The following KARS1 variants were observed in gnomAD, a reference collection of about 807,000 sequenced individuals.
The protein encoded by KARS1 is lysyl-tRNA synthetase 1.
Under a neutral mutation model 63.9 loss-of-function variants are expected in KARS1, and 50 were observed. The ratio of observed to expected loss-of-function variants is 0.78; its 90% confidence interval spans 0.62 to 0.99. The LOEUF (loss-of-function observed/expected upper bound fraction) is 0.99, where lower values mean the gene tolerates loss of function less well. Among genes scored for constraint, KARS1 ranks in the 50% least tolerant of loss-of-function variants. The pLI is 0.00. For synonymous variants in KARS1, 320 were observed against 264.6 expected, an observed-to-expected ratio of 1.21 and a Z score of -2.03; for missense variants, 816 against 754.5, an observed-to-expected ratio of 1.08 and a Z score of -0.95.
At chr16:75,628,897 G>C in intron 12 of KARS1, 185 bp from the exon 13 acceptor site, 1 of 674,862 alleles carries the variant, frequency 1.5e-6, no homozygotes, top group Non-Finnish European at 2.6e-6. Context: ...AAGACCTGGA[G>C]GTCAGGACTG....
At chr16:75,630,320 CCAGCAGAA>C (rs2082097764) in intron 11 of KARS1, 95 bp downstream of exon 11, 1 of 763,792 alleles carries the variant, frequency 1.3e-6, no homozygotes, top group Non-Finnish European at 2.2e-6. Context: ...TCAACACCAC[CCAGCAGAA>C]AGACCACCAG....
In KARS1 at chr16:75,627,871, T is replaced by C. The variant is rs748316661; in HGVS notation, c.*24A>G. The C allele has an allele frequency of 2.3e-6, 3 of 1,324,716 alleles. No individual in the cohort carries two copies. The South Asian group carries it at 3.5e-5, about 16-fold the overall frequency. The allele number at this position is 1,324,716 out of a possible 1,614,324, so 82.1% of individuals were successfully genotyped here. ...CGCAGAAATGCAAAGACGCCTGAGT[T>C]ATACAACTTGCAATTATTATTTTCT... On this transcript the variant is annotated 3_prime_UTR_variant, in exon 14 of 14. Transcript: ENST00000302445.
intron 11 of KARS1, 112 bp from the exon 12 acceptor site, chr16:75,629,653 G>A: frequency 1.7e-6 from 2 of 1,157,244 alleles, no homozygotes; most frequent in Non-Finnish European, 2.5e-6. Flanking sequence ...AGGCTGGAGT[G>A]CAGTGGTGTG....
intron 6 of KARS1, 122 bp from the exon 7 acceptor site, chr16:75,634,414 C>G (rs772521991): frequency 2.0e-6 from 2 of 992,636 alleles, no homozygotes; most frequent in Non-Finnish European, 3.1e-6. Context: ...ATAAGTTCAA[C>G]AGTAATGTGC....
intron 1 of KARS1, among the ~76,000 whole-genome samples, chr16:75,643,553 G>T (rs1214395124): frequency 1.3e-5 from 2 of 151,874 alleles, no homozygotes; most frequent in African/African-American, 4.8e-5. Flanking sequence ...AATTTTTTTG[G>T]TATTTTTAGT....
Position 75,631,412 on chromosome 16 carries a change from T to G in KARS1, c.1252+4A>C, listed in dbSNP as rs1239914593. ...CAACGGAGGAGTGAGTGTTGTCACT[T>G]TACCTTCAGTTTCAAAGAGGTTCGT... On this transcript the variant is annotated splice_donor_region_variant and intron_variant, in intron 9 of 13. Transcript: ENST00000302445. The G allele has an allele frequency of 2.5e-6, 4 of 1,613,926 alleles. No individual in the cohort carries two copies. The highest frequency in any genetic ancestry group is 2.2e-5 in the South Asian group (2 of 91,092).
chr16:75,645,119 G>A (rs894580100), intron 1 of KARS1, among the ~76,000 whole-genome samples: 2 of 152,212 alleles, frequency 1.3e-5, no homozygotes, highest in East Asian at 3.8e-4. Flanking sequence ...TAAACTTGGA[G>A]TCAATACCTG....
intron 11 of KARS1, among the ~76,000 whole-genome samples, chr16:75,629,807 A>G (rs968272845): frequency 6.6e-6 from 1 of 152,236 alleles, no homozygotes; most frequent in African/African-American, 2.4e-5. Flanking sequence ...CATATTGGCC[A>G]GGTTGGTCTA....
intron 2 of KARS1, among the ~76,000 whole-genome samples, chr16:75,641,211 G>C (rs1053755244): frequency 3.6e-5 from 4 of 112,320 alleles, no homozygotes; most frequent in Non-Finnish European, 6.5e-5. Context: ...AGGATAAAGT[G>C]GGGGCATGGA....
At chr16:75,639,617 T>C (rs2082201120) in intron 3 of KARS1, among the ~76,000 whole-genome samples, 1 of 151,306 alleles carries the variant, frequency 6.6e-6, no homozygotes, top group African/African-American at 2.4e-5. Flanking sequence ...CACTGCACTT[T>C]AAAGAAGAAA....
In KARS1 at chr16:75,627,821, A is replaced by G. The variant is rs2151799646; in HGVS notation, c.*74T>C. The stretch of plus-strand genomic sequence containing the variant: ...TGTCAAATGGAAAGCAGCACACAAG[A>G]ATTCCCTTGCAGACCTTGATCTTTC... On this transcript the variant is annotated 3_prime_UTR_variant, in exon 14 of 14. Transcript: ENST00000302445. The G allele has an allele frequency of 1.2e-6, 1 of 854,836 alleles. No homozygotes were observed. The highest frequency in any genetic ancestry group is 2.4e-5 in the East Asian group (1 of 41,528). 53.0% of individuals were successfully genotyped at this position (854,836 alleles called of 1,614,324 possible).
Position 75,634,285 on chromosome 16 carries a change from G to A in KARS1, c.803C>T (p.Thr268Ile), listed in dbSNP as rs922605828. The change falls in exon 7 of 14, where the codon ACT (threonine) becomes ATT (isoleucine). Residue 268 changes from threonine (T) to isoleucine (I), a missense_variant. Coordinates refer to ENST00000302445, the MANE Select transcript of KARS1 (RefSeq NM_005548.3). ...CCCTGGGATGATGTTCATCATGGGA[G>A]TTTCAATCTAAAAAAGGCAGGGAGA... ...LDELGFLEIE[T>I]PMMNIIPGGA... The A allele has an allele frequency of 6.2e-7, 1 of 1,613,888 alleles. No homozygotes were observed. Among genetic ancestry groups the A allele is most frequent in the Non-Finnish European group, 8.5e-7 (1 of 1,179,916 alleles).
At chr16:75,628,797 G>A (rs367743453) in intron 12 of KARS1, 85 bp from the exon 13 acceptor site, 4 of 1,409,818 alleles carry the variant, frequency 2.8e-6, no homozygotes, top group South Asian at 2.3e-5. Context: ...CTCCGAGGTG[G>A]GAGTACCATC....
At chr16:75,629,255 G>A (rs1002532926) in intron 12 of KARS1, among the ~76,000 whole-genome samples, 160 bp downstream of exon 12, 1 of 151,816 alleles carries the variant, frequency 6.6e-6, no homozygotes, top group South Asian at 2.1e-4. Context: ...CTCAATACCA[G>A]ATGAAGTCAC....
At position 75,629,484 on chromosome 16, in the gene KARS1, C is replaced by G. The variant is rs527539107; in HGVS notation, c.1482G>C (p.Glu494Asp). ...TCAGCTCAGTATACGCATTGCATAT[C>G]TCTTTCTTCATGACAAACAGCTCAA... ...ERFELFVMKKEICNAYTELND... is the reference protein window; with the variant it reads ...ERFELFVMKKDICNAYTELND... The change falls in exon 12 of 14, where the codon GAG becomes GAC. Residue 494 changes from glutamate (E) to aspartate (D), a missense_variant. Coordinates refer to ENST00000302445, the MANE Select transcript of KARS1 (RefSeq NM_005548.3). 1 of 1,614,230 alleles carries G rather than the reference C, an allele frequency of 6.2e-7. No individual in the cohort carries two copies. Among genetic ancestry groups the G allele is most frequent in the South Asian group, 1.1e-5 (1 of 91,082 alleles).
chr16:75,631,631 C>G, intron 8 of KARS1, 42 bp from the exon 9 acceptor site: 1 of 1,613,730 alleles, frequency 6.2e-7, no homozygotes, highest in African/African-American at 1.3e-5. Flanking sequence ...GAAATCCAGG[C>G]AGCCCTCCTC....
intron 11 of KARS1, among the ~76,000 whole-genome samples, chr16:75,630,040 C>T (rs981846767): frequency 2.0e-5 from 3 of 152,132 alleles, no homozygotes; most frequent in East Asian, 1.9e-4. Flanking sequence ...GTCTCCTTCA[C>T]CTGGACTCTG....
chr16:75,636,710 T>C (rs548647117), intron 3 of KARS1, among the ~76,000 whole-genome samples, 163 bp from the exon 4 acceptor site: 50 of 152,012 alleles, frequency 3.3e-4, no homozygotes, highest in Admixed American at 2.7e-3. Flanking sequence ...CTCAGCTCAA[T>C]GCAACCTCCG....
intron 3 of KARS1, among the ~76,000 whole-genome samples, chr16:75,638,709 G>A (rs771862035): frequency 6.6e-6 from 1 of 151,934 alleles, no homozygotes; most frequent in Non-Finnish European, 1.5e-5. Context: ...AAGAGAAACA[G>A]AAAGTGAAAA....
Sources: allele counts gnomAD v4.1 joint callset (sites outside exome capture counted in the v4.1 genomes callset), GRCh38; gene constraint gnomAD v4.1.1; transcripts MANE v1.5; gene names NCBI Gene and HGNC (gene_info 2026-07-23, HGNC 2026-07-21).